Variants in STK3 observed in about 807,000 individuals in gnomAD.
STK3 encodes the protein serine/threonine kinase 3.
A neutral mutation model predicts 58.0 loss-of-function variants in STK3; 41 were observed. The observed-to-expected ratio is 0.71, with a 90% CI of 0.55 to 0.92. The LOEUF (loss-of-function observed/expected upper bound fraction) is 0.92. Among genes scored for constraint, STK3 ranks in the 40% least tolerant of loss-of-function variants. The pLI is 0.00. For synonymous variants in STK3, 170 were observed against 191.0 expected (o/e 0.89, Z 0.91); for missense variants, 479 against 602.7 (o/e 0.79, Z 2.15).
intron 10 of STK3, among the ~76,000 whole-genome samples, chr8:98,506,927 T>C (rs1481786521): frequency 6.6e-6 from 1 of 152,180 alleles, no homozygotes; most frequent in Non-Finnish European, 1.5e-5. Flanking sequence ...AGATTTAGTT[T>C]GGATTCCTGG....
At chr8:98,644,416 C>T (rs540977263) in intron 6 of STK3, among the ~76,000 whole-genome samples, 10 of 152,266 alleles carry the variant, frequency 6.6e-5, no homozygotes, top group East Asian at 3.9e-4. Context: ...TGATGCTTTA[C>T]GGCATCCATT....
At chr8:98,871,750 G>A (rs1837388525) in intron 3 of STK3, among the ~76,000 whole-genome samples, 1 of 152,172 alleles carries the variant, frequency 6.6e-6, no homozygotes, top group Non-Finnish European at 1.5e-5. Context: ...GGGCTGAGAT[G>A]ATGGAGTTTT....
intron 2 of STK3, among the ~76,000 whole-genome samples, chr8:98,372,899 T>C (rs1817626072): frequency 6.6e-6 from 1 of 152,228 alleles, no homozygotes. Flanking sequence ...CACCATGCCC[T>C]GAGGTTATGA....
At chr8:98,360,981 T>G in the STK3 span, among the ~76,000 whole-genome samples, 1 of 152,198 alleles carries the variant, frequency 6.6e-6, no homozygotes, top group Non-Finnish European at 1.5e-5. Context: ...CTTCCACATC[T>G]ATAGCACCCA....
chr8:98,864,491 A>G (rs551309712), intron 3 of STK3, among the ~76,000 whole-genome samples: 30 of 152,294 alleles, frequency 2.0e-4, no homozygotes, highest in Admixed American at 1.8e-3. Flanking sequence ...GCCACTAGCT[A>G]TTGGTAATGT....
chr8:98,581,107 T>C (rs1333831472), intron 7 of STK3, among the ~76,000 whole-genome samples: 6 of 152,202 alleles, frequency 3.9e-5, no homozygotes, highest in Non-Finnish European at 8.8e-5. Context: ...GTTTCTCAAC[T>C]TAACCCATTC....
At chr8:98,858,797 CAGG>C (rs1479869215) in intron 3 of STK3, among the ~76,000 whole-genome samples, 3 of 150,614 alleles carry the variant, frequency 2.0e-5, no homozygotes, top group Non-Finnish European at 4.4e-5. Flanking sequence ...GAGGCTGAGG[CAGG>C]AGAATTGCTT....
At chr8:98,357,115 C>A in the STK3 span, among the ~76,000 whole-genome samples, 1 of 152,144 alleles carries the variant, frequency 6.6e-6, no homozygotes, top group Non-Finnish European at 1.5e-5. Flanking sequence ...TCCTTCATGC[C>A]CTGAGCTTAA....
the STK3 span, among the ~76,000 whole-genome samples, chr8:98,360,363 C>A: frequency 2.0e-5 from 3 of 152,310 alleles, no homozygotes; most frequent in African/African-American, 7.2e-5. Context: ...TGTAAACTTG[C>A]GCTCCACAAA....
Position 98,566,523 on chromosome 8 carries a change from C to A in STK3, c.948+13141G>T, listed in dbSNP as rs750072246. On this transcript the variant is annotated intron_variant, in intron 8 of 10. Coordinates refer to ENST00000419617, the MANE Select transcript of STK3 (RefSeq NM_006281.4). Reference sequence around the variant, plus strand: ...TACTTGATGTGAAATATAAATCTCTCCCTTAATGTAGCAGCGAATTTCAGT... The same window carrying A: ...TACTTGATGTGAAATATAAATCTCTACCTTAATGTAGCAGCGAATTTCAGT... 4.9e-4 allele frequency among the ~76,000 whole-genome samples: 75 copies of A among 152,226 alleles called. 3 individuals are homozygous for A. The highest frequency in any genetic ancestry group is 2.6e-4 in the Admixed American group (4 of 15,274).
At chr8:98,587,327 C>G (rs1814724374) in intron 7 of STK3, among the ~76,000 whole-genome samples, 1 of 151,872 alleles carries the variant, frequency 6.6e-6, no homozygotes, top group Non-Finnish European at 1.5e-5. Context: ...CAAAGAACAT[C>G]TTTATTTCTG....
intron 1 of STK3, chr8:98,889,767 A>T (rs1490339885): frequency 2.0e-5 from 3 of 152,216 alleles, no homozygotes; most frequent in African/African-American, 7.2e-5. Flanking sequence ...CAGATTGCTG[A>T]ACCGTACCTC....
At chr8:98,664,651 A>G (rs1822205199) in intron 6 of STK3, among the ~76,000 whole-genome samples, 1 of 152,184 alleles carries the variant, frequency 6.6e-6, no homozygotes, top group African/African-American at 2.4e-5. Context: ...TTATATTACT[A>G]TGCATAAGAA....
intron 10 of STK3, among the ~76,000 whole-genome samples, chr8:98,484,758 G>A (rs1185523765): frequency 6.6e-6 from 1 of 151,860 alleles, no homozygotes; most frequent in African/African-American, 2.4e-5. Flanking sequence ...GAAAATATAA[G>A]ATTTAAAATT....
chr8:98,858,893 C>T (rs1317780021), intron 3 of STK3, among the ~76,000 whole-genome samples: 1 of 137,130 alleles, frequency 7.3e-6, no homozygotes, highest in East Asian at 2.2e-4. Flanking sequence ...AGCAAGACTC[C>T]ATCTAAAAAA....
At chr8:98,750,393 A>G (rs1332368851) in intron 3 of STK3, among the ~76,000 whole-genome samples, 2 of 152,060 alleles carry the variant, frequency 1.3e-5, no homozygotes, top group Admixed American at 6.6e-5. Context: ...AGTAATAGCT[A>G]CAATCAAAAA....
intron 4 of STK3, among the ~76,000 whole-genome samples, chr8:98,728,508 A>G (rs538280976): frequency 2.6e-5 from 4 of 152,210 alleles, no homozygotes; most frequent in Non-Finnish European, 5.9e-5. Context: ...GTAAATATAT[A>G]TATATACAAG....
Position 98,455,887 on chromosome 8 carries a change from A to G in STK3, c.1431T>C (p.Ile477=), listed in dbSNP as rs374538605. ...TTTTCTTTGCATCCATCGCATCCAGAATGGGCTGTCTTTTCGCAGTGTATC... is the reference window on the plus strand; with the variant it reads ...TTTTCTTTGCATCCATCGCATCCAGGATGGGCTGTCTTTTCGCAGTGTATC... ...RQRYTAKRQP[I]LDAMDAKKRR... is the part of the protein sequence containing the mutation. Residue 477 remains isoleucine, a synonymous_variant, in exon 11 of 11, where the codon ATT becomes ATC. Coordinates refer to ENST00000419617, the MANE Select transcript of STK3 (RefSeq NM_006281.4). 1 of 1,613,770 alleles carries G rather than the reference A, an allele frequency of 6.2e-7. No homozygotes were observed. Among genetic ancestry groups the G allele is most frequent in the African/African-American group, 1.3e-5 (1 of 75,040 alleles).
At chr8:98,531,372 A>G (rs1290054904) in intron 9 of STK3, among the ~76,000 whole-genome samples, 2 of 152,222 alleles carry the variant, frequency 1.3e-5, no homozygotes, top group Non-Finnish European at 2.9e-5. Context: ...GACCAGGTGC[A>G]TTCTCACTGA....
Sources: gnomAD v4.1 joint callset for allele counts (sites outside exome capture counted in the v4.1 genomes callset) on GRCh38, gnomAD v4.1.1 for gene constraint, MANE v1.5 for transcripts, NCBI Gene and HGNC (gene_info 2026-07-23, HGNC 2026-07-21) for gene names.